Variants in TARBP1 observed in about 807,000 individuals in gnomAD.
TARBP1 encodes the protein tRNA (guanosine(18)-2'-O)-methyltransferase TARBP1.
TARBP1 carries 144 observed loss-of-function variants against 178.6 expected under a neutral mutation model. That is an observed-to-expected ratio of 0.81 (90% CI 0.70 to 0.93). The LOEUF is 0.93. TARBP1 is among the 40% of genes least tolerant of loss of function. The probability of loss-of-function intolerance (pLI) is 0.00; values close to 1 mark genes in which losing one functional copy is unlikely to be tolerated. For synonymous variants in TARBP1, 787 were observed against 781.0 expected, an observed-to-expected ratio of 1.01 and a Z score of -0.13; for missense variants, 2,067 against 2,011.7, an observed-to-expected ratio of 1.03 and a Z score of -0.53.
At chr1:234,469,060 CT>C (rs765324709) in intron 3 of TARBP1, among the ~76,000 whole-genome samples, 34 of 68,566 alleles carry the variant, frequency 5.0e-4, no homozygotes, top group African/African-American at 1.3e-3. Flanking sequence ...CGGTTTTTGC[CT>C]TTTTTTTTTT....
At chr1:234,445,307 C>T (rs1265944226) in intron 12 of TARBP1, among the ~76,000 whole-genome samples, 1 of 152,104 alleles carries the variant, frequency 6.6e-6, no homozygotes, top group Non-Finnish European at 1.5e-5. Context: ...GTACTTGGAC[C>T]CCTTCTCTGT....
intron 17 of TARBP1, 36 bp downstream of exon 17, chr1:234,429,100 T>C (rs1572290832): frequency 1.2e-5 from 18 of 1,520,570 alleles, no homozygotes; most frequent in Non-Finnish European, 1.5e-5. Context: ...CTCACACACA[T>C]GAAAAGAAAA....
At chr1:234,444,540 C>T (rs770226760) in intron 12 of TARBP1, among the ~76,000 whole-genome samples, 35 of 152,234 alleles carry the variant, frequency 2.3e-4, no homozygotes, top group Non-Finnish European at 4.9e-4. Context: ...TGTGAATTCA[C>T]GATCGCAACC....
rs1413903245 is a variant in TARBP1 at position 234,459,289 on chromosome 1, G to T, written c.1573C>A (p.Leu525Ile). Reference protein sequence around the residue: ...IHCTMITHQILLRGAAQCYLL... With the variant: ...IHCTMITHQIILRGAAQCYLL... ...TAGCATTGGGCTGCCCCTCTCAGGA[G>T]AATCTGATGTGTGATCATAGTGCAA... The change falls in exon 8 of 30, where the codon CTC becomes ATC. Residue 525 changes from leucine to isoleucine, a missense_variant. Coordinates refer to ENST00000040877, the MANE Select transcript of TARBP1 (RefSeq NM_005646.4). 1.2e-6 allele frequency: 2 copies of T among 1,613,484 alleles called. No homozygotes were observed. Among genetic ancestry groups the T allele is most frequent in the South Asian group, 1.1e-5 (1 of 90,918 alleles).
At chr1:234,432,012 CTACAA>C (rs1045122964) in intron 14 of TARBP1, among the ~76,000 whole-genome samples, 13 of 152,108 alleles carry the variant, frequency 8.5e-5, no homozygotes, top group African/African-American at 3.1e-4. Context: ...TGGCGGGCAC[CTACAA>C]TCCCAGCTAC....
chr1:234,459,766 C>T (rs1009510972), intron 7 of TARBP1, among the ~76,000 whole-genome samples: 7 of 151,408 alleles, frequency 4.6e-5, no homozygotes, highest in African/African-American at 1.2e-4. Flanking sequence ...GAGCCGAGAT[C>T]GCACCACTGC....
chr1:234,392,262 T>C (rs1659452817), intron 29 of TARBP1, among the ~76,000 whole-genome samples, 154 bp downstream of exon 29: 1 of 152,058 alleles, frequency 6.6e-6, no homozygotes, highest in South Asian at 2.1e-4. Flanking sequence ...CTTGAGCCAA[T>C]GAGGCAGAGG....
At chr1:234,427,059 T>C (rs578129975) in intron 19 of TARBP1, among the ~76,000 whole-genome samples, 2 of 152,336 alleles carry the variant, frequency 1.3e-5, no homozygotes, top group Admixed American at 6.5e-5. Context: ...AAGCTCTCCA[T>C]AGTCATTTCC....
intron 5 of TARBP1, among the ~76,000 whole-genome samples, chr1:234,464,387 A>C (rs766246029): frequency 6.6e-6 from 1 of 152,242 alleles, no homozygotes; most frequent in Admixed American, 6.5e-5. Context: ...TTTAATTGTT[A>C]ACATCTACTA....
intron 21 of TARBP1, 58 bp from the exon 22 acceptor site, chr1:234,418,291 G>A (rs903074173): frequency 7.0e-7 from 1 of 1,424,454 alleles, no homozygotes; most frequent in Non-Finnish European, 9.4e-7. Context: ...TTTAAAAATA[G>A]TCTCCATTTA....
At position 234,478,540 on chromosome 1, in the gene TARBP1, C is replaced by T; in HGVS notation, c.564G>A (p.Ala188=). 2 of 1,362,086 alleles carry T rather than the reference C, an allele frequency of 1.5e-6. No individual in the cohort carries two copies. Among genetic ancestry groups the T allele is most frequent in the Non-Finnish European group, 1.9e-6 (2 of 1,054,824 alleles). 84.4% of individuals were successfully genotyped at this position (1,362,086 alleles called of 1,614,324 possible). Residue 188 remains alanine, a synonymous_variant, in exon 1 of 30, where the codon GCG becomes GCA. Transcript: ENST00000040877. ...GDEAGPAEDA[A]ALVAGRLLPV... ...GCAGCAGTCGCCCGGCCACCAGCGC[C>T]GCCGCGTCCTCGGCAGGCCCGGCCT... is the stretch of plus-strand genomic sequence containing the variant.
At chr1:234,457,860 T>TTATCATTAGCTAAATCAAAAGAAAGCAAA (rs1367444007) in intron 8 of TARBP1, 104 bp from the exon 9 acceptor site, 8 of 690,844 alleles carry the variant, frequency 1.2e-5, no homozygotes, top group African/African-American at 3.8e-5. Flanking sequence ...TTAAAGTAGG[T>TTATCATTAGCTAAATCAAAAGAAAGCAAA]TATCATTAGC....
intron 26 of TARBP1, among the ~76,000 whole-genome samples, chr1:234,395,379 G>A (rs1659822670): frequency 6.6e-6 from 1 of 152,206 alleles, no homozygotes. Context: ...AGTAGTCCAG[G>A]TAAAAACAAT....
chr1:234,463,821 CT>C lies in TARBP1; in HGVS notation c.1399+15del. 6.9e-7 allele frequency: 1 copy of C among 1,456,776 alleles called. No homozygotes were observed. The highest frequency in any genetic ancestry group is 9.1e-7 in the Non-Finnish European group (1 of 1,093,298). 90.2% of individuals were successfully genotyped at this position (1,456,776 alleles called of 1,614,324 possible). ...AAGCTAAAGCATTTTTAAAAAAACC[CT>C]TTACTGACACATACTCTTTATTTCT... On this transcript the variant is annotated intron_variant, in intron 6 of 29. Coordinates refer to ENST00000040877, the MANE Select transcript of TARBP1 (RefSeq NM_005646.4).
chr1:234,433,515 A>C lies in TARBP1; in HGVS notation c.2289T>G (p.Asn763Lys). Reference protein sequence around the residue: ...LYLMVLTELINLHLKVGWKRG... With the variant: ...LYLMVLTELIKLHLKVGWKRG... ...TTTTCCACCCAACCTTCAAATGCAG[A>C]TTTATAAGCTCAGTTAACACCATCA... The change falls in exon 14 of 30, where the codon AAT becomes AAG. Residue 763 changes from asparagine to lysine, a missense_variant. Coordinates refer to ENST00000040877, the MANE Select transcript of TARBP1 (RefSeq NM_005646.4). The C allele has an allele frequency of 1.2e-6, 2 of 1,614,106 alleles. No homozygotes were observed. The highest frequency in any genetic ancestry group is 1.3e-5 in the African/African-American group (1 of 75,060).
chr1:234,446,931 G>A lies in TARBP1; in HGVS notation c.2006C>T (p.Pro669Leu), dbSNP rs984985783. Residue 669 changes from proline (P) to leucine (L), a missense_variant, in exon 12 of 30, where the codon CCT becomes CTT. Physicochemically the swap from Pro to Leu is moderately conservative, Grantham distance 98. Transcript: ENST00000040877. The stretch of plus-strand genomic sequence containing the variant: ...AAACTTCATAAGCACATCCAGAAGA[G>A]GGTCTAAGAATATCCGCAATACATT... ...TENVLRIFLDPLLDVLMKFST... is the reference protein window; with the variant it reads ...TENVLRIFLDLLLDVLMKFST... 1.2e-6 allele frequency: 2 copies of A among 1,613,862 alleles called. No individual in the cohort carries two copies. The highest frequency in any genetic ancestry group is 1.7e-6 in the Non-Finnish European group (2 of 1,179,862).
chr1:234,460,598 G>A (rs558569292), intron 6 of TARBP1, among the ~76,000 whole-genome samples: 1 of 152,160 alleles, frequency 6.6e-6, no homozygotes. Flanking sequence ...CACAATGCTG[G>A]TGGGAATGTA....
In TARBP1 at chr1:234,470,769, C is replaced by T. The variant is rs144490535; in HGVS notation, c.1099+419G>A. ...TAGCTGGGACTACAGGCACACACCA[C>T]CATGCCTGGCTAATTTTTGTATTTT... On this transcript the variant is annotated intron_variant, in intron 3 of 29. Transcript: ENST00000040877. Among the ~76,000 whole-genome samples the T allele has an allele frequency of 4.6e-3, 697 of 152,178 alleles. 2 individuals carry two copies. Among genetic ancestry groups the T allele is most frequent in the African/African-American group, 0.016 (670 of 41,524 alleles).
chr1:234,427,628 C>G lies in TARBP1; in HGVS notation c.3199G>C (p.Glu1067Gln). 1 of 1,598,788 alleles carries G rather than the reference C, an allele frequency of 6.3e-7. No individual in the cohort carries two copies. The highest frequency in any genetic ancestry group is 1.1e-5 in the South Asian group (1 of 87,470). ...AATATACAAGCCTCAAGGATAAGTTCGCTATAATTTTTAGCACTTGATAAA... is the reference window on the plus strand; with the variant it reads ...AATATACAAGCCTCAAGGATAAGTTGGCTATAATTTTTAGCACTTGATAAA... ...GSLSSAKNYS[E>Q]LILEACIFGT... is the part of the protein sequence containing the mutation. Residue 1067 changes from glutamate (E) to glutamine (Q), a missense_variant, in exon 18 of 30, where the codon GAA becomes CAA. By Grantham distance (29) the Glu-to-Gln change is conservative (BLOSUM62 2). Transcript: ENST00000040877.
Sources: allele counts gnomAD v4.1 joint callset (sites outside exome capture counted in the v4.1 genomes callset), GRCh38; gene constraint gnomAD v4.1.1; transcripts MANE v1.5; gene names NCBI Gene and HGNC (gene_info 2026-07-23, HGNC 2026-07-21).